The following SCAPER variants were observed in gnomAD, a reference collection of about 807,000 sequenced individuals.
SCAPER encodes S-phase cyclin A associated protein in the ER, also known as S phase cyclin A-associated protein in the endoplasmic reticulum.
Under a neutral mutation model 182.2 loss-of-function variants are expected in SCAPER, and 98 were observed. That is an observed-to-expected ratio of 0.54 (90% CI 0.46 to 0.64). SCAPER has a LOEUF of 0.64. SCAPER is among the 30% of genes least tolerant of loss of function. SCAPER has a pLI of 0.00. For synonymous variants in SCAPER, 605 were observed against 564.6 expected (o/e 1.07, Z -1.01); for missense variants, 1,432 against 1,690.0 (o/e 0.85, Z 2.68).
intron 5 of SCAPER, among the ~76,000 whole-genome samples, chr15:76,837,509 G>A (rs1175889846): frequency 6.6e-6 from 1 of 152,162 alleles, no homozygotes; most frequent in Non-Finnish European, 1.5e-5. Context: ...CAGATATCAT[G>A]AGAACTCACT....
intron 25 of SCAPER, among the ~76,000 whole-genome samples, chr15:76,449,928 A>AT (rs201655379): frequency 0.012 from 1,801 of 152,266 alleles, 21 homozygotes; most frequent in Non-Finnish European, 0.019. Flanking sequence ...GTTGGCGATT[A>AT]TTTTTTTCTG....
At chr15:76,432,610 T>C (rs1322975416) in intron 26 of SCAPER, among the ~76,000 whole-genome samples, 5 of 152,150 alleles carry the variant, frequency 3.3e-5, no homozygotes, top group South Asian at 4.1e-4. Context: ...GAACAGGTAA[T>C]TGATTAACAC....
intron 4 of SCAPER, chr15:76,855,989 T>G (rs1048842253): frequency 5.4e-6 from 1 of 186,260 alleles, no homozygotes; most frequent in African/African-American, 2.3e-5. Flanking sequence ...ACTGCAGCAC[T>G]ATTCACAATA....
intron 2 of SCAPER, among the ~76,000 whole-genome samples, chr15:76,867,350 C>T (rs144644509): frequency 1.7e-4 from 26 of 152,300 alleles, no homozygotes; most frequent in African/African-American, 6.0e-4. Context: ...CCACTACTAA[C>T]GCCCTTAATA....
chr15:76,862,632 A>C (rs2071968981), intron 2 of SCAPER, 99 bp from the exon 3 acceptor site: 1 of 738,938 alleles, frequency 1.4e-6, no homozygotes, highest in Non-Finnish European at 2.1e-6. Context: ...GAAAGAAAAC[A>C]CTTAAAACTA....
At chr15:76,768,455 G>T (rs1007091625) in intron 10 of SCAPER, among the ~76,000 whole-genome samples, 1 of 152,128 alleles carries the variant, frequency 6.6e-6, no homozygotes, top group African/African-American at 2.4e-5. Context: ...ACCACATATT[G>T]CATTTCATTT....
chr15:76,790,489 C>A (rs546130944), intron 8 of SCAPER, among the ~76,000 whole-genome samples: 236 of 152,238 alleles, frequency 1.6e-3, no homozygotes, highest in African/African-American at 5.2e-3. Context: ...CTTCTAAGTT[C>A]TCTTCAAGTT....
intron 25 of SCAPER, among the ~76,000 whole-genome samples, chr15:76,437,216 C>T (rs1255409137): frequency 6.6e-6 from 1 of 152,116 alleles, no homozygotes; most frequent in African/African-American, 2.4e-5. Context: ...ACCAATTCCC[C>T]TCTTTGCAGC....
At chr15:76,655,625 T>C (rs909439455) in intron 21 of SCAPER, among the ~76,000 whole-genome samples, 2 of 152,092 alleles carry the variant, frequency 1.3e-5, no homozygotes, top group Non-Finnish European at 2.9e-5. Context: ...AAGGAAGAAT[T>C]ATCCATGATG....
At chr15:76,667,091 A>C (rs2056629281) in intron 20 of SCAPER, among the ~76,000 whole-genome samples, 1 of 152,140 alleles carries the variant, frequency 6.6e-6, no homozygotes, top group Admixed American at 6.5e-5. Context: ...TTTTGCCTCT[A>C]CTTCCTTAGC....
rs535691921 is a variant in SCAPER, at chr15:76,695,305, A to G, written c.2508+6453T>C. Among the ~76,000 whole-genome samples, 6 of 152,286 alleles carry G rather than the reference A, an allele frequency of 3.9e-5. No homozygotes were observed. In the East Asian group the frequency reaches 9.6e-4, roughly 24 times the overall value. ...AGCTTGTATTCTTTCCTTTATAAAA[A>G]TTATTTGTGGCCAGGCACAGTGGCT... On this transcript the variant is annotated intron_variant, in intron 20 of 31. Coordinates refer to ENST00000563290, the MANE Select transcript of SCAPER (RefSeq NM_020843.4).
intron 24 of SCAPER, chr15:76,472,376 C>G: frequency 2.8e-6 from 2 of 714,576 alleles, no homozygotes; most frequent in Non-Finnish European, 5.1e-6. Flanking sequence ...GAAGCGTGTG[C>G]ATTTTTGGTG....
At chr15:76,495,577 CAAAAA>C (rs71444987) in intron 24 of SCAPER, among the ~76,000 whole-genome samples, 6 of 56,954 alleles carry the variant, frequency 1.1e-4, no homozygotes, top group African/African-American at 4.3e-4. Flanking sequence ...GACTTGGTCT[CAAAAA>C]AAAAAAAAAA....
chr15:76,667,800 A>G (rs868111896), intron 20 of SCAPER, among the ~76,000 whole-genome samples: 39 of 152,104 alleles, frequency 2.6e-4, no homozygotes, highest in African/African-American at 9.4e-4. Context: ...TAAAAATACA[A>G]AAATTAGCCG....
At chr15:76,536,940 C>A (rs910564606) in intron 23 of SCAPER, among the ~76,000 whole-genome samples, 9 of 151,508 alleles carry the variant, frequency 5.9e-5, no homozygotes, top group African/African-American at 1.2e-4. Context: ...AACAGAGAGC[C>A]AAATCATGAG....
intron 26 of SCAPER, among the ~76,000 whole-genome samples, chr15:76,426,508 C>T (rs2046442093): frequency 6.6e-6 from 1 of 152,144 alleles, no homozygotes; most frequent in African/African-American, 2.4e-5. Flanking sequence ...TAGACTGGAG[C>T]TGTTCCTATT....
chr15:76,406,213 C>T (rs938891630), intron 26 of SCAPER, among the ~76,000 whole-genome samples: 11 of 152,200 alleles, frequency 7.2e-5, no homozygotes, highest in Non-Finnish European at 1.6e-4. Context: ...CACGGTGGAT[C>T]ACACCTGTAA....
intron 17 of SCAPER, among the ~76,000 whole-genome samples, chr15:76,707,752 CCTAA>C (rs1197896507): frequency 6.6e-6 from 1 of 152,078 alleles, no homozygotes; most frequent in African/African-American, 2.4e-5. Flanking sequence ...ATTACCTTTA[CCTAA>C]CTGACATTTA....
chr15:76,790,140 A>C (rs1050401366), intron 8 of SCAPER, among the ~76,000 whole-genome samples: 2 of 151,876 alleles, frequency 1.3e-5, no homozygotes, highest in African/African-American at 4.8e-5. Flanking sequence ...CTGAGGCAGG[A>C]GAATGGTGTG....
Sources: gnomAD v4.1 joint callset for allele counts (sites outside exome capture counted in the v4.1 genomes callset) on GRCh38, gnomAD v4.1.1 for gene constraint, MANE v1.5 for transcripts, NCBI Gene and HGNC (gene_info 2026-07-23, HGNC 2026-07-21) for gene names.